CCNB3: variants seen among roughly 807,000 people sequenced by gnomAD.
CCNB3 encodes cyclin B3.
In CCNB3, 12 loss-of-function variants were observed where a neutral mutation model predicts 68.0. The ratio of observed to expected loss-of-function variants is 0.18; its 90% confidence interval spans 0.11 to 0.29. The LOEUF is 0.29. Among genes scored for constraint, CCNB3 ranks in the 10% least tolerant of loss-of-function variants. The pLI is 1.00. For missense variants in CCNB3, 904 were observed against 993.1 expected (o/e 0.91, Z 1.21); for synonymous variants, 354 against 388.9 (o/e 0.91, Z 1.06).
intron 1 of CCNB3, among the ~76,000 whole-genome samples, chrX:50,282,147 G>A (rs1936148946): frequency 9.0e-6 from 1 of 111,562 alleles, no homozygotes; most frequent in Non-Finnish European, 1.9e-5. Context: ...TGCTAATGTT[G>A]CTTGTCCATT....
Position 50,226,829 on chromosome X carries a change from T to TGAATATATATAGTATATATATA in CCNB3, c.-113+21892_-113+21913dup, listed in dbSNP as rs1935840105. ...TATAGAGTATATATAAATATATACA[T>TGAATATATATAGTATATATATA]GAATATATATAGTATATATATAGAA... is the stretch of plus-strand genomic sequence containing the variant. On this transcript the variant is annotated intron_variant, in intron 1 of 12. Coordinates refer to ENST00000376042, the MANE Select transcript of CCNB3 (RefSeq NM_033031.3). Among the ~76,000 whole-genome samples, 3 of 65,857 alleles carry TGAATATATATAGTATATATATA rather than the reference T, an allele frequency of 4.6e-5. 1 individual carries two copies. The highest frequency in any genetic ancestry group is 2.0e-4 in the African/African-American group (3 of 15,228). The allele number at this position is 65,857 out of a possible 115,157, so 57.2% of individuals were successfully genotyped here.
In CCNB3 at chrX:50,310,364, A is replaced by C. The variant is rs1921357306; in HGVS notation, c.2195A>C (p.Lys732Thr). The part of the protein sequence containing the change: ...ESLINKLLAL[K>T]EELSAEAATN... Reference sequence around the variant, plus strand: ...CTTATCAATAAGCTATTGGCTCTGAAGGAGGAGCTTTCTGCTGAGGCAGCC... The same window carrying C: ...CTTATCAATAAGCTATTGGCTCTGACGGAGGAGCTTTCTGCTGAGGCAGCC... The change falls in exon 6 of 13, where the codon AAG (lysine) becomes ACG (threonine). Residue 732 changes from lysine to threonine, a missense_variant. By Grantham distance (78) the Lys-to-Thr change is moderately conservative. Transcript: ENST00000376042. 8.3e-7 allele frequency: 1 copy of C among 1,210,673 alleles called. No individual in the cohort carries two copies. The highest frequency in any genetic ancestry group is 2.2e-5 in the Admixed American group (1 of 45,872).
intron 8 of CCNB3, 37 bp from the exon 9 acceptor site, chrX:50,342,165 C>T: frequency 8.3e-7 from 1 of 1,208,415 alleles, no homozygotes; most frequent in Non-Finnish European, 1.1e-6. Flanking sequence ...TGGAGCTGGA[C>T]AATATGCAGA....
chrX:50,310,198 T>C lies in CCNB3; in HGVS notation c.2029T>C (p.Ser677Pro). ...TEEEFSQELF[S>P]LHVKHTNKSG... ...GGAGGAATTCTCTCAGGAACTATTT[T>C]CATTGCATGTTAAGCATACCAACAA... The change falls in exon 6 of 13, where the codon TCA (serine) becomes CCA (proline). Residue 677 changes from serine (S) to proline (P), a missense_variant. Ser to Pro is a moderately conservative substitution (Grantham distance 74). Transcript: ENST00000376042. The C allele has an allele frequency of 6.6e-6, 8 of 1,209,216 alleles. No homozygotes were observed. Among genetic ancestry groups the C allele is most frequent in the Non-Finnish European group, 7.8e-6 (7 of 894,048 alleles).
chrX:50,351,356 A>G lies in CCNB3; in HGVS notation c.4076A>G (p.Tyr1359Cys), dbSNP rs1557221141. 1 of 1,211,273 alleles carries G rather than the reference A, an allele frequency of 8.3e-7. No individual in the cohort carries two copies. Residue 1359 changes from tyrosine to cysteine, a missense_variant, in exon 12 of 13, where the codon TAC becomes TGC. This residue lies in a region of CCNB3 where 285 missense variants were observed against 383.4 expected (regional missense o/e 0.74). Coordinates refer to ENST00000376042, the MANE Select transcript of CCNB3 (RefSeq NM_033031.3). ...TACGATAGTCTCAAGGCTGTGTATT[A>G]CAAGTATTCTCACCCGTAAGTACTA... is the stretch of plus-strand genomic sequence containing the variant. ...SSYDSLKAVYYKYSHPVFFEV... is the reference protein window; with the variant it reads ...SSYDSLKAVYCKYSHPVFFEV...
chrX:50,279,758 A>C (rs1054740832), intron 1 of CCNB3, among the ~76,000 whole-genome samples: 5 of 88,281 alleles, frequency 5.7e-5, no homozygotes, highest in Admixed American at 3.1e-4. Flanking sequence ...ATATATGTAA[A>C]TATATATGAA....
chrX:50,228,442 G>A (rs1050675013), intron 1 of CCNB3, among the ~76,000 whole-genome samples: 5 of 91,397 alleles, frequency 5.5e-5, no homozygotes, highest in Non-Finnish European at 1.1e-4. Context: ...AGAGGATATA[G>A]CTATATAGAA....
At chrX:50,207,946 G>T (rs782765219) in intron 1 of CCNB3, among the ~76,000 whole-genome samples, 14 of 111,136 alleles carry the variant, frequency 1.3e-4, no homozygotes, top group African/African-American at 4.6e-4. Context: ...CCAGCTTTAG[G>T]CAACCACTAA....
intron 8 of CCNB3, 84 bp from the exon 9 acceptor site, chrX:50,342,116 CAG>C: frequency 1.7e-5 from 18 of 1,066,188 alleles, no homozygotes; most frequent in Non-Finnish European, 2.3e-5. Context: ...CTTGATGTTG[CAG>C]ATACTCCAGG....
intron 8 of CCNB3, among the ~76,000 whole-genome samples, chrX:50,338,403 A>G (rs782161370): frequency 8.9e-6 from 1 of 112,140 alleles, no homozygotes; most frequent in African/African-American, 3.2e-5. Flanking sequence ...TTAAGGGCTT[A>G]CAATTCTAAG....
intron 1 of CCNB3, among the ~76,000 whole-genome samples, chrX:50,210,228 A>G (rs1371877192): frequency 9.0e-6 from 1 of 111,468 alleles, no homozygotes; most frequent in African/African-American, 3.3e-5. Context: ...AGAATGTTGT[A>G]TACCTGGGAG....
intron 11 of CCNB3, among the ~76,000 whole-genome samples, chrX:50,350,991 G>T (rs1284674989): frequency 9.0e-6 from 1 of 111,676 alleles, no homozygotes; most frequent in Non-Finnish European, 1.9e-5. Flanking sequence ...TCCCTACCAC[G>T]CCTGGCCAAG....
Position 50,227,313 on chromosome X carries a change from A to G in CCNB3, c.-113+22363A>G, listed in dbSNP as rs1168032647. On this transcript the variant is annotated intron_variant, in intron 1 of 12. Transcript: ENST00000376042. ...ATGTACAGAATATATATAAATATACATACAGAATATATATAAATATACACA... is the reference window on the plus strand; with the variant it reads ...ATGTACAGAATATATATAAATATACGTACAGAATATATATAAATATACACA... Among the ~76,000 whole-genome samples the G allele has an allele frequency of 4.5e-3, 385 of 85,133 alleles. 3 individuals carry two copies. The highest frequency in any genetic ancestry group is 0.013 in the African/African-American group (304 of 22,814). The allele number at this position is 85,133 out of a possible 115,157, so 73.9% of individuals were successfully genotyped here.
chrX:50,344,813 C>G (rs1249518717), intron 9 of CCNB3, among the ~76,000 whole-genome samples: 1 of 111,595 alleles, frequency 9.0e-6, no homozygotes, highest in African/African-American at 3.3e-5. Context: ...TTCTTCATGA[C>G]CATAATCCAT....
chrX:50,215,075 C>T (rs1443232495), intron 1 of CCNB3, among the ~76,000 whole-genome samples: 2 of 110,425 alleles, frequency 1.8e-5, no homozygotes, highest in Non-Finnish European at 3.8e-5. Context: ...CTGCAAGCTC[C>T]GCCTCCCGGG....
At chrX:50,295,795 T>G (rs1936445292) in intron 5 of CCNB3, among the ~76,000 whole-genome samples, 1 of 111,474 alleles carries the variant, frequency 9.0e-6, no homozygotes, top group Non-Finnish European at 1.9e-5. Context: ...AGCCAACACA[T>G]ACCAGTACTA....
intron 8 of CCNB3, among the ~76,000 whole-genome samples, chrX:50,326,965 T>C (rs1350111952): frequency 8.9e-6 from 1 of 112,395 alleles, no homozygotes; most frequent in Non-Finnish European, 1.9e-5. Context: ...ATATGTTCTA[T>C]AGTTTTGATT....
chrX:50,323,232 T>A (rs1269186693), intron 8 of CCNB3, among the ~76,000 whole-genome samples: 1 of 111,322 alleles, frequency 9.0e-6, no homozygotes, highest in Admixed American at 9.5e-5. Context: ...TGGAATACTA[T>A]GCAGCCATAA....
intron 5 of CCNB3, among the ~76,000 whole-genome samples, chrX:50,298,968 C>T (rs1332121826): frequency 5.4e-5 from 6 of 111,518 alleles, no homozygotes; most frequent in African/African-American, 1.6e-4. Context: ...TCTGTGGGAT[C>T]GGTGGTGATA....
Sources: gnomAD v4.1 joint callset for allele counts (sites outside exome capture counted in the v4.1 genomes callset) on GRCh38, gnomAD v4.1.1 for gene constraint, gnomAD v4.1.1 regional missense constraint, MANE v1.5 for transcripts, NCBI Gene and HGNC (gene_info 2026-07-23, HGNC 2026-07-21) for gene names.